Variants in RGPD1 observed in about 807,000 individuals in gnomAD.
The protein encoded by RGPD1 is RANBP2-like and GRIP domain-containing protein 1.
In RGPD1, 7 loss-of-function variants were observed where a neutral mutation model predicts 40.6. The ratio of observed to expected loss-of-function variants is 0.17; its 90% confidence interval spans 0.10 to 0.32. The LOEUF is 0.32. Among genes scored for constraint, RGPD1 ranks in the 10% least tolerant of loss-of-function variants. The pLI, the probability that RGPD1 is intolerant of heterozygous loss-of-function variation, is 1.00. For synonymous variants in RGPD1, 24 were observed against 167.0 expected, an observed-to-expected ratio of 0.14 and a Z score of 6.60; for missense variants, 50 against 472.5, an observed-to-expected ratio of 0.11 and a Z score of 8.29.
At chr2:86,931,819 A>G (rs1222191660) in intron 1 of RGPD1, among the ~76,000 whole-genome samples, 19 of 149,400 alleles carry the variant, frequency 1.3e-4, no homozygotes, top group Admixed American at 2.0e-4. Flanking sequence ...TAAAGATCCT[A>G]GATTTGGAAC....
intron 6 of RGPD1, among the ~76,000 whole-genome samples, chr2:86,962,427 G>T: frequency 9.7e-6 from 1 of 102,568 alleles, no homozygotes; most frequent in Admixed American, 9.7e-5. Flanking sequence ...AGAATCACTT[G>T]AACCTGGGAG....
intron 1 of RGPD1, among the ~76,000 whole-genome samples, chr2:86,947,839 T>C (rs1274499826): frequency 1.7e-5 from 2 of 117,978 alleles, no homozygotes; most frequent in Non-Finnish European, 3.7e-5. Context: ...ATCAGATCGG[T>C]TTGTTGAGAA....
upstream of RGPD1, among the ~76,000 whole-genome samples, chr2:86,938,599 C>CAAA (rs67807927): frequency 2.3e-4 from 33 of 145,232 alleles, no homozygotes; most frequent in African/African-American, 7.7e-4. Context: ...GACTCCATCT[C>CAAA]AAAAAAAAAA....
intron 1 of RGPD1, among the ~76,000 whole-genome samples, chr2:86,931,781 C>T (rs1289987806): frequency 6.7e-6 from 1 of 149,868 alleles, no homozygotes; most frequent in Non-Finnish European, 1.5e-5. Flanking sequence ...AAATCGATCA[C>T]AGTCTATTCA....
upstream of RGPD1, among the ~76,000 whole-genome samples, chr2:86,939,472 G>A (rs987203473): frequency 1.3e-5 from 2 of 148,288 alleles, no homozygotes; most frequent in African/African-American, 2.5e-5. Flanking sequence ...CCAGCTACTC[G>A]GGAGGCTGAG....
At chr2:86,930,709 C>A (rs996118515) in intron 1 of RGPD1, 101 of 1,564,434 alleles carry the variant, frequency 6.5e-5, no homozygotes, top group Non-Finnish European at 8.5e-5. Flanking sequence ...GCCCGAAGTG[C>A]CCCCCAGGCC....
chr2:86,914,373 T>G lies in RGPD1; in HGVS notation c.72+452T>G, dbSNP rs1490228852. On this transcript the variant is annotated intron_variant, in intron 1 of 22. Transcript: ENST00000398193. ...GGCGGCGGCGGCGGCGGCCTCGACC[T>G]GGCCGGGCGGCGGCGGCGGCGGCGG... Among the ~76,000 whole-genome samples the G allele has an allele frequency of 1.9e-4, 2 of 10,296 alleles. 1 individual carries two copies. Among genetic ancestry groups the G allele is most frequent in the Non-Finnish European group, 3.3e-4 (2 of 6,004 alleles). The allele number at this position is 10,296 out of a possible 152,430, so 6.8% of individuals were successfully genotyped here.
At chr2:86,944,405 G>T (rs1680176157) in intron 1 of RGPD1, among the ~76,000 whole-genome samples, 1 of 151,718 alleles carries the variant, frequency 6.6e-6, no homozygotes, top group South Asian at 2.1e-4. Context: ...TTTAATTTTT[G>T]TGTTATTTTT....
At chr2:86,940,973 A>G (rs1283908911), upstream of RGPD1, among the ~76,000 whole-genome samples, 1 of 152,046 alleles carries the variant, frequency 6.6e-6, no homozygotes, top group Admixed American at 6.6e-5. Flanking sequence ...CACATCCAAT[A>G]TGGTTGAAAT....
At chr2:86,920,238 T>C (rs1273546982) in intron 1 of RGPD1, among the ~76,000 whole-genome samples, 1 of 151,622 alleles carries the variant, frequency 6.6e-6, no homozygotes, top group Non-Finnish European at 1.5e-5. Context: ...CCTGGCTAAT[T>C]TCTGTATTTT....
intron 1 of RGPD1, among the ~76,000 whole-genome samples, chr2:86,949,676 A>C (rs1239406791): frequency 6.0e-5 from 2 of 33,420 alleles, no homozygotes; most frequent in African/African-American, 2.4e-4. Flanking sequence ...TTGGACATTC[A>C]CTGGGGTCTT....
intron 22 of RGPD1, among the ~76,000 whole-genome samples, chr2:87,000,317 C>G (rs1021673051): frequency 7.6e-6 from 1 of 130,964 alleles, no homozygotes; most frequent in Non-Finnish European, 1.5e-5. Context: ...CTTTTAAAAG[C>G]TCAGCATGTT....
chr2:86,941,987 C>T (rs927529321), upstream of RGPD1, among the ~76,000 whole-genome samples: 2 of 151,960 alleles, frequency 1.3e-5, no homozygotes, highest in Non-Finnish European at 1.5e-5. Flanking sequence ...GTTGGGATTA[C>T]AGGCGTGAGC....
chr2:87,000,524 T>G (rs1447423249), intron 22 of RGPD1, among the ~76,000 whole-genome samples: 1 of 95,542 alleles, frequency 1.0e-5, no homozygotes, highest in African/African-American at 5.4e-5. Context: ...GAAAACACAT[T>G]TAAATTAGTT....
intron 1 of RGPD1, among the ~76,000 whole-genome samples, chr2:86,945,503 T>C (rs1240900225): frequency 6.6e-6 from 1 of 152,206 alleles, no homozygotes. Flanking sequence ...CTTTCTAGAA[T>C]GTCTGAGTTT....
At chr2:87,008,959 A>G (rs1682149861) in intron 22 of RGPD1, among the ~76,000 whole-genome samples, 1 of 144,822 alleles carries the variant, frequency 6.9e-6, no homozygotes, top group Admixed American at 6.9e-5. Context: ...ACTGTGAGAC[A>G]ATTACAAAAG....
intron 1 of RGPD1, chr2:86,913,934 C>T (rs1262074750): frequency 7.5e-6 from 11 of 1,466,168 alleles, no homozygotes; most frequent in African/African-American, 4.4e-5. Flanking sequence ...GAGTGGATCT[C>T]GAAGAGACCG....
In RGPD1 at chr2:87,013,374, A is replaced by C. The variant is rs1461090802; in HGVS notation, c.*827A>C. 6 of 132,698 alleles carry C rather than the reference A, an allele frequency of 4.5e-5. 1 individual carries two copies. The highest frequency in any genetic ancestry group is 1.2e-4 in the African/African-American group (2 of 17,044). The allele number at this position is 132,698 out of a possible 1,614,324, so 8.2% of individuals were successfully genotyped here. A position where few individuals can be genotyped will look rare whatever the true frequency, so the allele number is the denominator to read the frequency against. ...AGGATGCTGGGGACACACGGGGCAC[A>C]GTGCAGCCAGAGGCTTGGCCATCAT... On this transcript the variant is annotated 3_prime_UTR_variant, in exon 23 of 23. Coordinates refer to ENST00000641458, the MANE Select transcript of RGPD1 (RefSeq NM_001382344.1).
At chr2:86,929,674 T>C in intron 1 of RGPD1, among the ~76,000 whole-genome samples, 1 of 105,822 alleles carries the variant, frequency 9.4e-6, no homozygotes, top group African/African-American at 3.5e-5. Context: ...GTAACCTGAC[T>C]CCAGAGCCCA....
Sources: gnomAD v4.1 joint callset for allele counts (sites outside exome capture counted in the v4.1 genomes callset) on GRCh38, gnomAD v4.1.1 for gene constraint, MANE v1.5 for transcripts, NCBI Gene and HGNC (gene_info 2026-07-23, HGNC 2026-07-21) for gene names.